The following LYST variants were observed in gnomAD, a reference collection of about 807,000 sequenced individuals.
LYST encodes the protein lysosomal-trafficking regulator.
Under a neutral mutation model 413.6 loss-of-function variants are expected in LYST, and 192 were observed. The observed-to-expected ratio is 0.46, with a 90% CI of 0.41 to 0.52. The LOEUF is 0.52. LYST is among the 20% of genes least tolerant of loss of function. LYST has a pLI of 0.00. For synonymous variants in LYST, 1,525 were observed against 1,567.3 expected (o/e 0.97, Z 0.64); for missense variants, 3,815 against 4,499.9 (o/e 0.85, Z 4.35).
chr1:235,753,330 T>C lies in LYST; in HGVS notation c.7230-56A>G. 4 of 1,074,348 alleles carry C rather than the reference T, an allele frequency of 3.7e-6. No homozygotes were observed. The South Asian group carries it at 5.1e-5, about 14-fold the overall frequency. The allele number at this position is 1,074,348 out of a possible 1,614,324, so 66.6% of individuals were successfully genotyped here. A position where few individuals can be genotyped will look rare whatever the true frequency, so the allele number is the denominator to read the frequency against. On this transcript the variant is annotated intron_variant, in intron 25 of 52. Coordinates refer to ENST00000389793, the MANE Select transcript of LYST (RefSeq NM_000081.4). ...TAGAAACAATCACAAAATAAGAAAA[T>C]ATGATAGCAACTATGGGTCATCTTG...
chr1:235,707,013 C>T (rs750051504), intron 44 of LYST, among the ~76,000 whole-genome samples: 5 of 152,078 alleles, frequency 3.3e-5, no homozygotes, highest in Admixed American at 6.6e-5. Context: ...TTGCTACAGT[C>T]GACACAGAAA....
intron 1 of LYST, among the ~76,000 whole-genome samples, chr1:235,882,710 G>T (rs1259803777): frequency 6.6e-6 from 1 of 152,176 alleles, no homozygotes; most frequent in Non-Finnish European, 1.5e-5. Flanking sequence ...AGGCTGAAGG[G>T]TTAGGGAGGG....
At chr1:235,690,157 C>T (rs1017381552) in intron 47 of LYST, among the ~76,000 whole-genome samples, 1 of 152,138 alleles carries the variant, frequency 6.6e-6, no homozygotes, top group African/African-American at 2.4e-5. Flanking sequence ...CTTCACTTTT[C>T]ATTGGAAAGT....
At chr1:235,744,525 G>A (rs3768056) in intron 29 of LYST, among the ~76,000 whole-genome samples, 121,779 of 152,062 alleles carry the variant, frequency 0.8, 49,027 homozygotes, top group African/African-American at 0.9. Flanking sequence ...ATACATTTAC[G>A]TGCTGTATAT....
intron 1 of LYST, among the ~76,000 whole-genome samples, chr1:235,850,090 A>G (rs184507851): frequency 1.3e-5 from 2 of 152,338 alleles, no homozygotes; most frequent in African/African-American, 4.8e-5. Flanking sequence ...TGAAAAGAAC[A>G]AATCTGGAGG....
Position 235,751,788 on chromosome 1 carries a change from T to C in LYST, c.7627+217A>G, listed in dbSNP as rs1226553687. 2.0e-5 allele frequency among the ~76,000 whole-genome samples: 3 copies of C among 152,204 alleles called. No homozygotes were observed. In the East Asian group the frequency reaches 5.8e-4, roughly 29 times the overall value. ...AAATCAGTGACATCTTTCACTTATG[T>C]ATTGCCAACTACTAACTACATGGGG... On this transcript the variant is annotated intron_variant, in intron 27 of 52. Coordinates refer to ENST00000389793, the MANE Select transcript of LYST (RefSeq NM_000081.4).
Position 235,777,121 on chromosome 1 carries a change from A to C in LYST, c.5402T>G (p.Ile1801Ser). ...KNLQPTEYKT[I>S]QGILHEIGGT... ...ACCAATTTCGTGCAGAATGCCTTGA[A>C]TAGTTTTATATTCAGTAGGTTGGAG... Residue 1801 changes from isoleucine (I) to serine (S), a missense_variant, in exon 17 of 53, where the codon ATT (isoleucine) becomes AGT (serine). Coordinates refer to ENST00000389793, the MANE Select transcript of LYST (RefSeq NM_000081.4). 1 of 1,613,232 alleles carries C rather than the reference A, an allele frequency of 6.2e-7. No homozygotes were observed. The highest frequency in any genetic ancestry group is 1.3e-5 in the African/African-American group (1 of 75,022).
At position 235,712,048 on chromosome 1, in the gene LYST, T is replaced by C. The variant is rs552700896; in HGVS notation, c.9925+9A>G. The C allele has an allele frequency of 1.2e-4, 187 of 1,516,464 alleles. No individual in the cohort carries two copies. The highest frequency in any genetic ancestry group is 1.9e-4 in the Admixed American group (9 of 48,120). 93.9% of individuals were successfully genotyped at this position (1,516,464 alleles called of 1,614,324 possible). ...AGAAATATAAATTAAAAATAATTTATTGCTATACCTTCACGGTTAACTAGG... is the reference window on the plus strand; with the variant it reads ...AGAAATATAAATTAAAAATAATTTACTGCTATACCTTCACGGTTAACTAGG... On this transcript the variant is annotated intron_variant, in intron 43 of 52. Coordinates refer to ENST00000389793, the MANE Select transcript of LYST (RefSeq NM_000081.4).
intron 46 of LYST, among the ~76,000 whole-genome samples, chr1:235,694,639 G>A (rs1378143397): frequency 6.6e-6 from 1 of 152,088 alleles, no homozygotes; most frequent in East Asian, 1.9e-4. Flanking sequence ...AGTAAAATAA[G>A]AAATGTTGAC....
chr1:235,867,726 C>A (rs557469360), upstream of LYST, among the ~76,000 whole-genome samples: 1 of 152,260 alleles, frequency 6.6e-6, no homozygotes, highest in South Asian at 2.1e-4. Context: ...ATTTCAAGGG[C>A]CACCCTCCTC....
rs766304531 is a variant in LYST, at chr1:235,810,022, C to G, written c.796G>C (p.Glu266Gln). 1.3e-5 allele frequency: 21 copies of G among 1,613,990 alleles called. No homozygotes were observed. The highest frequency in any genetic ancestry group is 1.8e-5 in the Non-Finnish European group (21 of 1,179,966). Residue 266 changes from glutamate to glutamine, a missense_variant, in exon 5 of 53, where the codon GAA (glutamate) becomes CAA (glutamine). This residue lies in a region of LYST where 1,648 missense variants were observed against 1,810.3 expected (regional missense o/e 0.91). Coordinates refer to ENST00000389793, the MANE Select transcript of LYST (RefSeq NM_000081.4). The part of the protein sequence containing the change: ...DLCHVLLSLL[E>Q]KVCKFDVTLN... Reference sequence around the variant, plus strand: ...GTAACGTCAAACTTACAAACTTTTTCTAATAAAGATAACAAAACATGACAT... The same window carrying G: ...GTAACGTCAAACTTACAAACTTTTTGTAATAAAGATAACAAAACATGACAT...
chr1:235,737,648 C>T (rs1664934262), intron 31 of LYST: 1 of 152,682 alleles, frequency 6.5e-6, no homozygotes, highest in African/African-American at 2.4e-5. Flanking sequence ...GCCATGTCGA[C>T]ACAACAACTT....
At chr1:235,667,687 G>C (rs1313199867) in intron 50 of LYST, among the ~76,000 whole-genome samples, 1 of 150,604 alleles carries the variant, frequency 6.6e-6, no homozygotes, top group Non-Finnish European at 1.5e-5. Flanking sequence ...TTTCTTTTGA[G>C]ATGGAGTCTC....
At chr1:235,704,990 T>C (rs189942674) in intron 44 of LYST, among the ~76,000 whole-genome samples, 67 of 152,358 alleles carry the variant, frequency 4.4e-4, no homozygotes, top group African/African-American at 1.5e-3. Context: ...GCAACAGGCA[T>C]CTCTACATGC....
At chr1:235,769,435 T>A (rs1668447178) in intron 20 of LYST, among the ~76,000 whole-genome samples, 1 of 152,044 alleles carries the variant, frequency 6.6e-6, no homozygotes, top group Non-Finnish European at 1.5e-5. Flanking sequence ...CCAACTATAA[T>A]GAAAAGCCCT....
In LYST at chr1:235,664,611, G is replaced by A; in HGVS notation, c.11049C>T (p.Gly3683=). The A allele has an allele frequency of 1.2e-6, 2 of 1,614,070 alleles. No individual in the cohort carries two copies. The highest frequency in any genetic ancestry group is 1.7e-6 in the Non-Finnish European group (2 of 1,180,012). ...IATVCDSAGG[G]SDLRLWTVNG... ...TCACCGTCCAGAGTCTGAGGTCACT[G>A]CCTCCGCCAGCTAAAACACCCAAAT... Residue 3683 remains glycine (G), a synonymous_variant, in exon 51 of 53, where the codon GGC becomes GGT. Transcript: ENST00000389793. This position sits in a 1 kb window ranked among gnomAD's most constrained non-coding sequence, Gnocchi z 4.5.
At position 235,748,623 on chromosome 1, in the gene LYST, T is replaced by C. The variant is rs75856631; in HGVS notation, c.7781-2096A>G. Among the ~76,000 whole-genome samples, 18 of 152,184 alleles carry C rather than the reference T, an allele frequency of 1.2e-4. No homozygotes were observed. In the South Asian group the frequency reaches 2.7e-3, roughly 23 times the overall value. On this transcript the variant is annotated intron_variant, in intron 28 of 52. Coordinates refer to ENST00000389793, the MANE Select transcript of LYST (RefSeq NM_000081.4). ...TAGATATCCAGACCAAAAACAGATA[T>C]AGAGGTTAAGGAGTCAGAGCTTTGT... is the stretch of plus-strand genomic sequence containing the variant.
At chr1:235,679,652 T>C (rs765439131) in intron 48 of LYST, among the ~76,000 whole-genome samples, 1 of 152,092 alleles carries the variant, frequency 6.6e-6, no homozygotes, top group Non-Finnish European at 1.5e-5. Context: ...TGACACCCAC[T>C]ACCACACCAG....
chr1:235,834,725 G>C (rs1309604534), intron 1 of LYST, among the ~76,000 whole-genome samples: 5 of 151,878 alleles, frequency 3.3e-5, no homozygotes, highest in Non-Finnish European at 7.4e-5. Flanking sequence ...CTTCCTGATG[G>C]GTGCAGCTCC....
Sources: allele counts gnomAD v4.1 joint callset (sites outside exome capture counted in the v4.1 genomes callset), GRCh38; gene constraint gnomAD v4.1.1; regional missense constraint gnomAD v4.1.1; non-coding constraint Gnocchi (gnomAD v3.1); transcripts MANE v1.5; gene names NCBI Gene and HGNC (gene_info 2026-07-23, HGNC 2026-07-21).